CERS5: variants seen among roughly 807,000 people sequenced by gnomAD.
CERS5 encodes the protein ceramide synthase 5, also known as LAG1 homolog, ceramide synthase 5.
A neutral mutation model predicts 58.9 loss-of-function variants in CERS5; 37 were observed. The ratio of observed to expected loss-of-function variants is 0.63; its 90% confidence interval spans 0.48 to 0.83. The LOEUF (loss-of-function observed/expected upper bound fraction) is 0.83, where lower values mean the gene tolerates loss of function less well. Among genes scored for constraint, CERS5 ranks in the 40% least tolerant of loss-of-function variants. The probability of loss-of-function intolerance (pLI) is 0.00; values close to 1 mark genes in which losing one functional copy is unlikely to be tolerated. For synonymous variants in CERS5, 147 were observed against 177.8 expected (o/e 0.83, Z 1.38); for missense variants, 398 against 489.3 (o/e 0.81, Z 1.76).
intron 1 of CERS5, among the ~76,000 whole-genome samples, chr12:50,160,647 T>C (rs1419486246): frequency 2.6e-5 from 4 of 152,244 alleles, no homozygotes; most frequent in Admixed American, 2.6e-4. Flanking sequence ...TCTGATGGTA[T>C]CAATATTGTC....
At chr12:50,150,203 T>A (rs970820195) in intron 1 of CERS5, among the ~76,000 whole-genome samples, 1 of 152,032 alleles carries the variant, frequency 6.6e-6, no homozygotes, top group Non-Finnish European at 1.5e-5. Context: ...CTACAAAAAA[T>A]TTTAAAAATT....
chr12:50,134,928 G>T, intron 8 of CERS5: 1 of 547,974 alleles, frequency 1.8e-6, no homozygotes, highest in Non-Finnish European at 3.2e-6. Flanking sequence ...GGAACTGATG[G>T]ATTAAGTCAC....
chr12:50,141,954 A>AAG (rs1951993792), intron 4 of CERS5, 99 bp downstream of exon 4: 1 of 764,990 alleles, frequency 1.3e-6, no homozygotes, highest in Non-Finnish European at 2.1e-6. Flanking sequence ...AAAAAAAAAA[A>AAG]AAAAGAAAAG....
In CERS5 at chr12:50,137,591, G is replaced by A. The variant is rs188522300; in HGVS notation, c.636+137C>T. 1.3e-5 allele frequency: 7 copies of A among 553,914 alleles called. No individual in the cohort carries two copies. The East Asian group carries it at 1.6e-4, about 13-fold the overall frequency. The allele number at this position is 553,914 out of a possible 1,614,324, so 34.3% of individuals were successfully genotyped here. On this transcript the variant is annotated intron_variant, in intron 6 of 9. Coordinates refer to ENST00000317551, the MANE Select transcript of CERS5 (RefSeq NM_147190.5). ...TCAGTCTCATTTCTGGGAACATTAC[G>A]ACAAGCTAAGAGTCCATCAAACCCA...
chr12:50,147,264 G>C (rs529710741), intron 1 of CERS5: 1 of 151,954 alleles, frequency 6.6e-6, no homozygotes, highest in Admixed American at 6.6e-5. Flanking sequence ...TTAGACAGGC[G>C]TGGTGGTGTG....
At chr12:50,160,315 A>G (rs1939139264) in intron 1 of CERS5, among the ~76,000 whole-genome samples, 2 of 151,672 alleles carry the variant, frequency 1.3e-5, no homozygotes, top group South Asian at 4.2e-4. Flanking sequence ...AAAAAAAAAA[A>G]AAAGAAAAAA....
chr12:50,139,816 C>T (rs751116061), intron 4 of CERS5, among the ~76,000 whole-genome samples: 1 of 152,066 alleles, frequency 6.6e-6, no homozygotes, highest in Non-Finnish European at 1.5e-5. Flanking sequence ...AACAAAAACC[C>T]CACAAATGTA....
chr12:50,133,082 G>A (rs1309381020), intron 9 of CERS5: 13 of 1,288,614 alleles, frequency 1.0e-5, no homozygotes, highest in Non-Finnish European at 1.3e-5. Flanking sequence ...GGAAAGAAAA[G>A]CAGGAGAGAA....
chr12:50,156,811 C>T (rs910496209), intron 1 of CERS5, among the ~76,000 whole-genome samples: 6 of 152,114 alleles, frequency 3.9e-5, no homozygotes, highest in Non-Finnish European at 7.4e-5. Context: ...ACCATGGAGG[C>T]TGAGGCAGGT....
At chr12:50,157,718 CA>C (rs1037860061) in intron 1 of CERS5, among the ~76,000 whole-genome samples, 1 of 149,044 alleles carries the variant, frequency 6.7e-6, no homozygotes, top group Non-Finnish European at 1.5e-5. Flanking sequence ...AGAAATTGTC[CA>C]AAAAAAAAGA....
rs1951197956 is a variant in CERS5 at position 50,129,526 on chromosome 12, GAC to G, written c.*1017_*1018del. On this transcript the variant is annotated 3_prime_UTR_variant, in exon 10 of 10. Coordinates refer to ENST00000317551, the MANE Select transcript of CERS5 (RefSeq NM_147190.5). The stretch of plus-strand genomic sequence containing the variant: ...ATTTTTTTTTTTTTTTTTTTTTTTA[GAC>G]AGAGTCTCGGTCTGTCGCCCAGGCT... The G allele has an allele frequency of 1.1e-5, 1 of 88,724 alleles. No individual in the cohort carries two copies. The highest frequency in any genetic ancestry group is 2.0e-5 in the Non-Finnish European group (1 of 49,282). 5.5% of individuals were successfully genotyped at this position (88,724 alleles called of 1,614,324 possible). A position where few individuals can be genotyped will look rare whatever the true frequency, so the allele number is the denominator to read the frequency against.
intron 1 of CERS5, among the ~76,000 whole-genome samples, chr12:50,151,527 G>A (rs1163992616): frequency 6.6e-6 from 1 of 152,170 alleles, no homozygotes; most frequent in Non-Finnish European, 1.5e-5. Flanking sequence ...CCTTGGACAA[G>A]TTCCTCTGTG....
At chr12:50,134,400 C>T (rs768343184) in intron 9 of CERS5, 146 bp downstream of exon 9, 29 of 1,588,308 alleles carry the variant, frequency 1.8e-5, no homozygotes, top group East Asian at 2.2e-5. Flanking sequence ...AAACACTTAC[C>T]GAAGAGGCGA....
In CERS5 at chr12:50,138,632, A is replaced by T. The variant is rs371137720; in HGVS notation, c.493-15T>A. ...AACCAAGGTGACTAAGAGAAAACAG[A>T]TAATCCATGTCAGTCCTCAAGATTC... On this transcript the variant is annotated splice_polypyrimidine_tract_variant and intron_variant, in intron 4 of 9. Transcript: ENST00000317551. 6 of 1,609,930 alleles carry T rather than the reference A, an allele frequency of 3.7e-6. No homozygotes were observed. Among genetic ancestry groups the T allele is most frequent in the Non-Finnish European group, 5.1e-6 (6 of 1,176,282 alleles).
chr12:50,166,699 G>A (rs73301424), intron 1 of CERS5, among the ~76,000 whole-genome samples: 1 of 152,050 alleles, frequency 6.6e-6, no homozygotes, highest in African/African-American at 2.4e-5. Context: ...TGACCCCTCG[G>A]CTTCCATGGT....
Position 50,167,356 on chromosome 12 carries a change from G to A in CERS5, c.-59C>T. The A allele has an allele frequency of 6.9e-7, 1 of 1,447,424 alleles. No homozygotes were observed. The highest frequency in any genetic ancestry group is 9.0e-7 in the Non-Finnish European group (1 of 1,110,322). The allele number at this position is 1,447,424 out of a possible 1,614,324, so 89.7% of individuals were successfully genotyped here. A position where few individuals can be genotyped will look rare whatever the true frequency, so the allele number is the denominator to read the frequency against. ...GCGTCAGCTGCCGCCACAGCCAACG[G>A]AACCCGCGGGGAGGCGGCCCCAGGG... On this transcript the variant is annotated 5_prime_UTR_variant, in exon 1 of 10. Transcript: ENST00000317551.
intron 1 of CERS5, chr12:50,145,204 G>C (rs1431074183): frequency 6.7e-6 from 1 of 149,892 alleles, no homozygotes; most frequent in Non-Finnish European, 1.5e-5. Context: ...TGATTTCTAA[G>C]ATTTTTTTGT....
intron 1 of CERS5, among the ~76,000 whole-genome samples, chr12:50,160,455 G>C (rs965216374): frequency 6.6e-6 from 1 of 152,114 alleles, no homozygotes; most frequent in Admixed American, 6.6e-5. Context: ...CATTGAGAAG[G>C]CTCTTTAGAC....
chr12:50,149,004 T>C (rs1311854491), intron 1 of CERS5, among the ~76,000 whole-genome samples: 1 of 148,128 alleles, frequency 6.8e-6, no homozygotes, highest in Admixed American at 6.8e-5. Flanking sequence ...TAAATACATG[T>C]AGAAAACATG....
Sources: gnomAD v4.1 joint callset for allele counts (sites outside exome capture counted in the v4.1 genomes callset) on GRCh38, gnomAD v4.1.1 for gene constraint, MANE v1.5 for transcripts, NCBI Gene and HGNC (gene_info 2026-07-23, HGNC 2026-07-21) for gene names.